The following PTPRM variants were observed in gnomAD, a reference collection of about 807,000 sequenced individuals.
The protein encoded by PTPRM is protein tyrosine phosphatase receptor type M, also known as receptor-type tyrosine-protein phosphatase mu.
A neutral mutation model predicts 186.7 loss-of-function variants in PTPRM; 47 were observed. The observed-to-expected ratio is 0.25, with a 90% CI of 0.20 to 0.32. PTPRM has a LOEUF of 0.32. Among genes scored for constraint, PTPRM ranks in the 10% least tolerant of loss-of-function variants. The pLI is 1.00. For missense variants in PTPRM, 1,494 were observed against 1,865.0 expected (o/e 0.80, Z 3.66); for synonymous variants, 668 against 674.9 (o/e 0.99, Z 0.16).
At chr18:7,869,151 G>T (rs941737382) in intron 2 of PTPRM, among the ~76,000 whole-genome samples, 1 of 152,198 alleles carries the variant, frequency 6.6e-6, no homozygotes, top group African/African-American at 2.4e-5. Flanking sequence ...GGTGGGATCT[G>T]CTGAGCTAGA....
intron 2 of PTPRM, among the ~76,000 whole-genome samples, chr18:7,867,072 A>T (rs926098074): frequency 3.3e-5 from 5 of 151,834 alleles, no homozygotes; most frequent in African/African-American, 7.3e-5. Flanking sequence ...CCATCCCTTT[A>T]TTTTGAGCCT....
chr18:8,389,303 T>C (rs2095797096), intron 31 of PTPRM, among the ~76,000 whole-genome samples: 1 of 152,134 alleles, frequency 6.6e-6, no homozygotes, highest in Non-Finnish European at 1.5e-5. Context: ...AAGTTACTAG[T>C]GACTCGAAGA....
intron 1 of PTPRM, among the ~76,000 whole-genome samples, chr18:7,590,940 A>G (rs1200032690): frequency 1.3e-5 from 2 of 152,220 alleles, no homozygotes; most frequent in Non-Finnish European, 2.9e-5. Flanking sequence ...TAAAATAGCT[A>G]TTATGTGAAT....
chr18:8,126,021 A>ATTT (rs1235933280), intron 13 of PTPRM, among the ~76,000 whole-genome samples: 628 of 37,490 alleles, frequency 0.017, 34 homozygotes, highest in Non-Finnish European at 0.023. Context: ...ATATATATAT[A>ATTT]TATATATTTT....
intron 4 of PTPRM, among the ~76,000 whole-genome samples, chr18:7,920,892 T>A (rs969010345): frequency 3.9e-5 from 6 of 152,174 alleles, no homozygotes; most frequent in East Asian, 1.9e-4. Flanking sequence ...GATGGCAATT[T>A]AAAAAAAATT....
intron 1 of PTPRM, among the ~76,000 whole-genome samples, chr18:7,689,603 G>A (rs1172603654): frequency 6.6e-6 from 1 of 152,164 alleles, no homozygotes; most frequent in Non-Finnish European, 1.5e-5. Context: ...TAACCAGAAT[G>A]TTCATGTGTA....
intron 2 of PTPRM, among the ~76,000 whole-genome samples, chr18:7,817,200 C>A (rs1237840885): frequency 6.6e-6 from 1 of 152,094 alleles, no homozygotes; most frequent in Non-Finnish European, 1.5e-5. Flanking sequence ...GTCTTGAACT[C>A]CTGACCTCAG....
At chr18:7,854,070 A>G (rs922961433) in intron 2 of PTPRM, among the ~76,000 whole-genome samples, 2 of 152,224 alleles carry the variant, frequency 1.3e-5, no homozygotes, top group African/African-American at 4.8e-5. Flanking sequence ...GAAGTTTCAC[A>G]AAACAGAAAA....
At chr18:7,924,945 G>C (rs1338451988) in intron 4 of PTPRM, among the ~76,000 whole-genome samples, 1 of 152,114 alleles carries the variant, frequency 6.6e-6, no homozygotes, top group Admixed American at 6.5e-5. Context: ...ACTGGAGTTT[G>C]TTCTTTTTCT....
At chr18:7,597,710 A>G (rs1276500442) in intron 1 of PTPRM, among the ~76,000 whole-genome samples, 3 of 152,230 alleles carry the variant, frequency 2.0e-5, no homozygotes, top group Non-Finnish European at 2.9e-5. Context: ...GTCTGGATAC[A>G]TAGCTCGCAT....
At chr18:8,255,975 G>T (rs2094570812) in intron 19 of PTPRM, among the ~76,000 whole-genome samples, 1 of 152,158 alleles carries the variant, frequency 6.6e-6, no homozygotes, top group Non-Finnish European at 1.5e-5. Context: ...GGAGTGAAAG[G>T]TCCCAGACTG....
intron 23 of PTPRM, among the ~76,000 whole-genome samples, chr18:8,359,141 A>G (rs184530012): frequency 1.3e-5 from 2 of 152,388 alleles, no homozygotes; most frequent in Admixed American, 1.3e-4. Flanking sequence ...AATATCGATG[A>G]AATACAAATC....
At chr18:7,625,969 C>T (rs1228115449) in intron 1 of PTPRM, among the ~76,000 whole-genome samples, 3 of 152,202 alleles carry the variant, frequency 2.0e-5, no homozygotes, top group Non-Finnish European at 2.9e-5. Context: ...AGGTCCTCGG[C>T]ATCCAGCTGA....
At chr18:8,377,657 G>T (rs1162821535) in intron 26 of PTPRM, 1 of 152,000 alleles carries the variant, frequency 6.6e-6, no homozygotes, top group Non-Finnish European at 1.5e-5. Context: ...TATAACTAAA[G>T]ATTAATAATA....
intron 14 of PTPRM, among the ~76,000 whole-genome samples, chr18:8,187,355 G>A (rs1360203920): frequency 6.6e-6 from 1 of 152,184 alleles, no homozygotes; most frequent in East Asian, 1.9e-4. Context: ...GAGGGAATAT[G>A]GTGCATCTAG....
At chr18:8,125,993 AT>A (rs2092332048) in intron 13 of PTPRM, among the ~76,000 whole-genome samples, 1 of 8,662 alleles carries the variant, frequency 1.2e-4, no homozygotes, top group East Asian at 2.3e-3. Context: ...ATATATATAT[AT>A]ATATATATAT....
intron 7 of PTPRM, among the ~76,000 whole-genome samples, chr18:8,044,397 T>A (rs1284893654): frequency 6.6e-6 from 1 of 152,130 alleles, no homozygotes; most frequent in Admixed American, 6.5e-5. Flanking sequence ...GCAGAGTGCT[T>A]GGATCATCTA....
intron 1 of PTPRM, among the ~76,000 whole-genome samples, chr18:7,594,973 G>A (rs2037220040): frequency 6.6e-6 from 1 of 152,156 alleles, no homozygotes; most frequent in East Asian, 1.9e-4. Context: ...GACAACAGTA[G>A]TACTCTTGAA....
chr18:7,727,313 A>T (rs2040569279), intron 1 of PTPRM, among the ~76,000 whole-genome samples: 1 of 152,142 alleles, frequency 6.6e-6, no homozygotes. Flanking sequence ...TTGTGTACAC[A>T]TGCATTATAT....
Sources: gnomAD v4.1 joint callset for allele counts (sites outside exome capture counted in the v4.1 genomes callset) on GRCh38, gnomAD v4.1.1 for gene constraint, MANE v1.5 for transcripts, NCBI Gene and HGNC (gene_info 2026-07-23, HGNC 2026-07-21) for gene names.